Variants in PCDHGA7 observed in about 807,000 individuals in gnomAD.
PCDHGA7 encodes the protein protocadherin gamma subfamily A, 7.
In PCDHGA7, 44 loss-of-function variants were observed where a neutral mutation model predicts 58.3. The ratio of observed to expected loss-of-function variants is 0.75; its 90% CI spans 0.59 to 0.97. PCDHGA7 has a LOEUF of 0.97. Among genes scored for constraint, PCDHGA7 ranks in the 50% least tolerant of loss-of-function variants. The pLI, the probability that PCDHGA7 is intolerant of heterozygous loss-of-function variation, is 0.00. For missense variants in PCDHGA7, 1,266 were observed against 1,188.7 expected (o/e 1.06, Z -0.96); for synonymous variants, 516 against 504.2 (o/e 1.02, Z -0.31).
chr5:141,389,146 C>T (rs567517174), intron 1 of PCDHGA7: 17 of 1,613,996 alleles, frequency 1.1e-5, no homozygotes, highest in East Asian at 2.2e-5. Context: ...ATAACCGTTA[C>T]GGCAACAGAT....
intron 1 of PCDHGA7, chr5:141,418,387 G>C (rs1172239604): frequency 1.9e-6 from 3 of 1,613,884 alleles, no homozygotes; most frequent in Non-Finnish European, 2.5e-6. Flanking sequence ...GTCCTAACGA[G>C]TATTTCTCAT....
chr5:141,485,221 C>G lies in PCDHGA7; in HGVS notation c.2425-9586C>G. ...GGACAGAAATCTGGCGGTGGGCTACCCTTTTGTTCCTCTTTTACCACCTGG... is the reference window on the plus strand; with the variant it reads ...GGACAGAAATCTGGCGGTGGGCTACGCTTTTGTTCCTCTTTTACCACCTGG... On this transcript the variant is annotated intron_variant, in intron 1 of 3. Transcript: ENST00000518325. The surrounding 1 kb of genome is among the most constrained non-coding windows in gnomAD (Gnocchi z 5.7). The G allele has an allele frequency of 6.2e-7, 1 of 1,614,118 alleles. No individual in the cohort carries two copies. Among genetic ancestry groups the G allele is most frequent in the Non-Finnish European group, 8.5e-7 (1 of 1,180,010 alleles).
At chr5:141,505,302 G>A (rs1733345360) in intron 2 of PCDHGA7, 91 bp from the exon 3 acceptor site, 1 of 1,592,596 alleles carries the variant, frequency 6.3e-7, no homozygotes, top group Admixed American at 1.7e-5. Flanking sequence ...TAGGGTTAGG[G>A]TACTAGGTTT....
chr5:141,397,287 G>A (rs2093504712), intron 1 of PCDHGA7, among the ~76,000 whole-genome samples: 1 of 152,134 alleles, frequency 6.6e-6, no homozygotes, highest in Admixed American at 6.5e-5. Flanking sequence ...CAGTATACTT[G>A]AATGAATATT....
At chr5:141,438,985 A>G (rs1461265086) in intron 1 of PCDHGA7, among the ~76,000 whole-genome samples, 1 of 151,940 alleles carries the variant, frequency 6.6e-6, no homozygotes, top group Non-Finnish European at 1.5e-5. Context: ...ACTTATCTTA[A>G]AAGGCTAAGG....
Position 141,489,575 on chromosome 5 carries a change from AC to A in PCDHGA7, c.2425-5227del. On this transcript the variant is annotated intron_variant, in intron 1 of 3. Coordinates refer to ENST00000518325, the MANE Select transcript of PCDHGA7 (RefSeq NM_018920.4). This position sits in a 1 kb window ranked among gnomAD's most constrained non-coding sequence, Gnocchi z 4.5. ...CTGCCAGTGCAGGTGGTGACTGAAC[AC>A]CCCCTGGAGCTAATCCGTGTAGAGG... 1 of 1,613,788 alleles carries A rather than the reference AC, an allele frequency of 6.2e-7. No individual in the cohort carries two copies. Among genetic ancestry groups the A allele is most frequent in the Middle Eastern group, 1.6e-4 (1 of 6,062 alleles).
chr5:141,430,033 C>T (rs556099456), intron 1 of PCDHGA7, among the ~76,000 whole-genome samples: 1 of 152,066 alleles, frequency 6.6e-6, no homozygotes, highest in Non-Finnish European at 1.5e-5. Context: ...AAGTGTGATT[C>T]TGATAATGTA....
rs762138055 is a variant in PCDHGA7, at chr5:141,490,757, T to C, written c.2425-4050T>C. 6.2e-7 allele frequency: 1 copy of C among 1,613,918 alleles called. No homozygotes were observed. The highest frequency in any genetic ancestry group is 2.2e-5 in the East Asian group (1 of 44,892). On this transcript the variant is annotated intron_variant, in intron 1 of 3. Coordinates refer to ENST00000518325, the MANE Select transcript of PCDHGA7 (RefSeq NM_018920.4). The surrounding 1 kb of genome is among the most constrained non-coding windows in gnomAD (Gnocchi z 5.4). ...GTTCAGGGAGCCCCAGCCTCCTCCT[T>C]TGTGTATGTCAACCCAGAGGATGGA...
intron 1 of PCDHGA7, chr5:141,394,026 G>A (rs745343207): frequency 6.2e-7 from 1 of 1,613,494 alleles, no homozygotes; most frequent in Admixed American, 1.7e-5. Context: ...TTATAGATTA[G>A]TGACAAGGAA....
chr5:141,451,443 C>A (rs1184838490), intron 1 of PCDHGA7, among the ~76,000 whole-genome samples: 1 of 152,176 alleles, frequency 6.6e-6, no homozygotes, highest in Non-Finnish European at 1.5e-5. Context: ...CAGTTCCTTG[C>A]TGGTTGTTAG....
At chr5:141,417,997 G>T in intron 1 of PCDHGA7, 1 of 1,613,872 alleles carries the variant, frequency 6.2e-7, no homozygotes, top group Non-Finnish European at 8.5e-7. Context: ...AGGGCTCGGT[G>T]GTGGGGAACC....
At chr5:141,421,081 A>G (rs775366249) in intron 1 of PCDHGA7, 61 of 637,820 alleles carry the variant, frequency 9.6e-5, no homozygotes, top group Non-Finnish European at 1.4e-4. Flanking sequence ...ATGGATACTC[A>G]CAGATCCTGA....
At chr5:141,478,708 A>G (rs1394463788) in intron 1 of PCDHGA7, 31 of 1,548,072 alleles carry the variant, frequency 2.0e-5, no homozygotes, top group Non-Finnish European at 2.5e-5. Context: ...TGCCTTTGTG[A>G]GATGGTGGCC....
intron 1 of PCDHGA7, among the ~76,000 whole-genome samples, chr5:141,456,073 A>G (rs1490650582): frequency 2.6e-5 from 4 of 151,252 alleles, no homozygotes; most frequent in Non-Finnish European, 5.9e-5. Flanking sequence ...AATTTTTTGT[A>G]TTTTCAGTAG....
At chr5:141,447,623 C>G (rs940221130) in intron 1 of PCDHGA7, among the ~76,000 whole-genome samples, 1 of 152,042 alleles carries the variant, frequency 6.6e-6, no homozygotes, top group African/African-American at 2.4e-5. Flanking sequence ...AAAGTTGAAA[C>G]CAACAGTATG....
At chr5:141,437,939 T>C (rs1055613655) in intron 1 of PCDHGA7, among the ~76,000 whole-genome samples, 3 of 152,152 alleles carry the variant, frequency 2.0e-5, no homozygotes, top group African/African-American at 7.2e-5. Flanking sequence ...GGTTTCACCA[T>C]ATTGGCCAGA....
chr5:141,430,613 A>T, intron 1 of PCDHGA7: 1 of 679,628 alleles, frequency 1.5e-6, no homozygotes, highest in Admixed American at 3.0e-5. Context: ...CACAAAGCAG[A>T]TAGCTAGGAA....
At chr5:141,440,887 G>C (rs1423303973) in intron 1 of PCDHGA7, 4 of 152,206 alleles carry the variant, frequency 2.6e-5, no homozygotes, top group Non-Finnish European at 5.9e-5. Context: ...TCGGCCTTCA[G>C]GAAGATGTGC....
intron 1 of PCDHGA7, among the ~76,000 whole-genome samples, chr5:141,435,395 C>T (rs946113643): frequency 5.3e-5 from 8 of 152,198 alleles, no homozygotes; most frequent in East Asian, 3.9e-4. Context: ...ATTGCCATGA[C>T]GAAAAATGGT....
Sources: allele counts gnomAD v4.1 joint callset (sites outside exome capture counted in the v4.1 genomes callset), GRCh38; gene constraint gnomAD v4.1.1; non-coding constraint Gnocchi (gnomAD v3.1); transcripts MANE v1.5; gene names NCBI Gene and HGNC (gene_info 2026-07-23, HGNC 2026-07-21).